The following CNTN5 variants were observed in gnomAD, a reference collection of about 807,000 sequenced individuals.
CNTN5 encodes the protein contactin-5.
In CNTN5, 77 loss-of-function variants were observed where a neutral mutation model predicts 129.1. The observed-to-expected ratio is 0.60, with a 90% CI of 0.50 to 0.72. The LOEUF (loss-of-function observed/expected upper bound fraction) is 0.72, where lower values mean the gene tolerates loss of function less well. Among genes scored for constraint, CNTN5 ranks in the 30% least tolerant of loss-of-function variants. CNTN5 has a pLI of 0.00. For synonymous variants in CNTN5, 509 were observed against 465.6 expected, an observed-to-expected ratio of 1.09 and a Z score of -1.20; for missense variants, 1,478 against 1,328.8, an observed-to-expected ratio of 1.11 and a Z score of -1.75.
chr11:99,723,168 C>G (rs1409886945), intron 3 of CNTN5, among the ~76,000 whole-genome samples: 2 of 151,940 alleles, frequency 1.3e-5, no homozygotes, highest in African/African-American at 4.8e-5. Context: ...ATAATTGATT[C>G]TGTGCATATT....
chr11:99,190,991 G>A (rs1454902512), intron 1 of CNTN5, among the ~76,000 whole-genome samples: 1 of 151,514 alleles, frequency 6.6e-6, no homozygotes, highest in African/African-American at 2.4e-5. Context: ...CATATATATT[G>A]TCTTTATTGT....
intron 3 of CNTN5, among the ~76,000 whole-genome samples, chr11:99,708,060 A>C (rs751767613): frequency 1.9e-4 from 29 of 151,672 alleles, no homozygotes; most frequent in Non-Finnish European, 2.8e-4. Context: ...AAAAAGTTGA[A>C]ATATGGACAT....
chr11:99,042,170 C>T (rs897393420), intron 1 of CNTN5, among the ~76,000 whole-genome samples: 1 of 151,846 alleles, frequency 6.6e-6, no homozygotes, highest in African/African-American at 2.4e-5. Flanking sequence ...AGCATACCTC[C>T]CTTCTTTATT....
intron 17 of CNTN5, among the ~76,000 whole-genome samples, chr11:100,269,136 GAAGTT>G (rs1950360870): frequency 1.3e-5 from 2 of 152,140 alleles, no homozygotes; most frequent in South Asian, 2.1e-4. Context: ...GAGAGAAACA[GAAGTT>G]AAGTTTTGAA....
chr11:99,164,061 C>T (rs1344070847), intron 1 of CNTN5, among the ~76,000 whole-genome samples: 2 of 152,146 alleles, frequency 1.3e-5, no homozygotes, highest in Admixed American at 6.5e-5. Flanking sequence ...GGCGCAGTGG[C>T]TCATGCCTGT....
chr11:99,756,423 ATT>A (rs1187290736), intron 3 of CNTN5, among the ~76,000 whole-genome samples: 2 of 152,082 alleles, frequency 1.3e-5, no homozygotes, highest in Non-Finnish European at 2.9e-5. Context: ...ATTTTCTGTT[ATT>A]TTCCTGCCAA....
chr11:99,143,626 T>C (rs1859640596), intron 1 of CNTN5, among the ~76,000 whole-genome samples: 1 of 152,102 alleles, frequency 6.6e-6, no homozygotes, highest in Admixed American at 6.6e-5. Flanking sequence ...AGGCAAGCTG[T>C]ACATGGCTAT....
chr11:99,446,993 GT>G (rs1251451711), intron 2 of CNTN5, among the ~76,000 whole-genome samples: 7 of 152,144 alleles, frequency 4.6e-5, no homozygotes, highest in Non-Finnish European at 1.0e-4. Flanking sequence ...GCGAAGGGAA[GT>G]CTAAGCCTCT....
intron 4 of CNTN5, among the ~76,000 whole-genome samples, chr11:99,821,360 C>G (rs540491445): frequency 2.0e-5 from 3 of 152,292 alleles, no homozygotes; most frequent in Non-Finnish European, 4.4e-5. Context: ...AAGGTGTCTA[C>G]TATTAATGCT....
At chr11:99,062,121 A>T (rs10892738) in intron 1 of CNTN5, among the ~76,000 whole-genome samples, 70,108 of 151,986 alleles carry the variant, frequency 0.46, 16,490 homozygotes, top group Non-Finnish European at 0.48. Context: ...ATGAAGAAAA[A>T]AACCCAAGAC....
intron 6 of CNTN5, among the ~76,000 whole-genome samples, chr11:99,865,517 AAT>A (rs1948331502): frequency 6.6e-6 from 1 of 151,896 alleles, no homozygotes; most frequent in African/African-American, 2.4e-5. Flanking sequence ...TATTGAAATG[AAT>A]ATGTTATGAT....
At chr11:99,528,312 A>G (rs1947565182) in intron 2 of CNTN5, among the ~76,000 whole-genome samples, 1 of 152,242 alleles carries the variant, frequency 6.6e-6, no homozygotes, top group African/African-American at 2.4e-5. Flanking sequence ...AAGCATAAAC[A>G]GTAAGGTATA....
chr11:100,078,945 G>A (rs1167042706), intron 13 of CNTN5, among the ~76,000 whole-genome samples: 2 of 152,036 alleles, frequency 1.3e-5, no homozygotes, highest in African/African-American at 4.8e-5. Flanking sequence ...CAGCATGGCT[G>A]GGGAGGCCTC....
chr11:100,321,635 A>G (rs1278209647), intron 21 of CNTN5, among the ~76,000 whole-genome samples: 1 of 152,096 alleles, frequency 6.6e-6, no homozygotes, highest in Non-Finnish European at 1.5e-5. Flanking sequence ...CCAGACCTTA[A>G]AGGAAAAGCC....
intron 1 of CNTN5, among the ~76,000 whole-genome samples, chr11:99,198,577 A>G (rs1859019593): frequency 1.3e-5 from 2 of 152,144 alleles, no homozygotes; most frequent in Admixed American, 1.3e-4. Flanking sequence ...GTTTAACAAC[A>G]AAAAAAGAAA....
At chr11:99,652,360 G>A (rs1952188947) in intron 3 of CNTN5, among the ~76,000 whole-genome samples, 1 of 151,872 alleles carries the variant, frequency 6.6e-6, no homozygotes, top group Non-Finnish European at 1.5e-5. Flanking sequence ...ATAAAATAAT[G>A]ACACCATCAT....
At chr11:99,489,224 C>T (rs983138143) in intron 2 of CNTN5, among the ~76,000 whole-genome samples, 3 of 152,092 alleles carry the variant, frequency 2.0e-5, no homozygotes, top group African/African-American at 7.2e-5. Flanking sequence ...TGCTAAATTA[C>T]AGGTAACTCA....
chr11:99,416,854 G>A (rs1942680024), intron 2 of CNTN5, among the ~76,000 whole-genome samples: 1 of 152,110 alleles, frequency 6.6e-6, no homozygotes, highest in Admixed American at 6.6e-5. Flanking sequence ...AAATAGCTGT[G>A]TCTTAGAACA....
chr11:100,014,327 T>C (rs1234641658), intron 9 of CNTN5, among the ~76,000 whole-genome samples: 1 of 152,164 alleles, frequency 6.6e-6, no homozygotes, highest in African/African-American at 2.4e-5. Context: ...CATCCCAATC[T>C]GCCAGACATT....
Sources: allele counts gnomAD v4.1 joint callset (sites outside exome capture counted in the v4.1 genomes callset), GRCh38; gene constraint gnomAD v4.1.1; transcripts MANE v1.5; gene names NCBI Gene and HGNC (gene_info 2026-07-23, HGNC 2026-07-21).